CSNK1G1: variants seen among roughly 807,000 people sequenced by gnomAD.
The protein encoded by CSNK1G1 is casein kinase 1 gamma 1, also known as casein kinase I isoform gamma-1.
A neutral mutation model predicts 59.6 loss-of-function variants in CSNK1G1; 22 were observed. The ratio of observed to expected loss-of-function variants is 0.37; its 90% CI spans 0.26 to 0.53. CSNK1G1 has a LOEUF of 0.53. CSNK1G1 is among the 20% of genes least tolerant of loss of function. CSNK1G1 has a pLI of 0.89. For missense variants in CSNK1G1, 384 were observed against 519.5 expected (o/e 0.74, Z 2.54); for synonymous variants, 179 against 177.1 (o/e 1.01, Z -0.08).
intron 1 of CSNK1G1, among the ~76,000 whole-genome samples, chr15:64,320,601 C>G (rs1453943311): frequency 6.6e-6 from 1 of 150,872 alleles, no homozygotes; most frequent in Non-Finnish European, 1.5e-5. Flanking sequence ...ATCGCTTGAG[C>G]CCAGGAAGTG....
intron 1 of CSNK1G1, among the ~76,000 whole-genome samples, chr15:64,320,609 G>A (rs1191162081): frequency 6.6e-6 from 1 of 150,656 alleles, no homozygotes; most frequent in East Asian, 2.0e-4. Context: ...AGCCCAGGAA[G>A]TGGAGGTTGC....
At chr15:64,229,966 G>A (rs1596129251) in intron 4 of CSNK1G1, among the ~76,000 whole-genome samples, 1 of 115,544 alleles carries the variant, frequency 8.7e-6, no homozygotes. Flanking sequence ...CTGTCGCCCA[G>A]GCTGGAGGGC....
chr15:64,265,220 A>G (rs1467801109), intron 2 of CSNK1G1, among the ~76,000 whole-genome samples: 1 of 152,198 alleles, frequency 6.6e-6, no homozygotes, highest in African/African-American at 2.4e-5. Flanking sequence ...CCAAAAACAA[A>G]CCAGTGGAAA....
intron 1 of CSNK1G1, among the ~76,000 whole-genome samples, chr15:64,340,717 G>C (rs1897640006): frequency 2.6e-5 from 4 of 152,260 alleles, no homozygotes; most frequent in Admixed American, 6.5e-5. Context: ...ACTTTGGGGG[G>C]CCGAGGCCAG....
In CSNK1G1 at chr15:64,168,759, T is replaced by A. The variant is rs1191359645; in HGVS notation, c.*3172A>T. ...CAGCTAAGGAACTGTAGCAGTAGGG[T>A]TGAGGAGGGAGCCCTGATTCGCTGA... On this transcript the variant is annotated 3_prime_UTR_variant, in exon 12 of 12. Coordinates refer to ENST00000303052, the MANE Select transcript of CSNK1G1 (RefSeq NM_022048.5). 3 of 151,926 alleles carry A rather than the reference T, an allele frequency of 2.0e-5. No individual in the cohort carries two copies. Among genetic ancestry groups the A allele is most frequent in the African/African-American group, 4.8e-5 (2 of 41,338 alleles). 9.4% of individuals were successfully genotyped at this position (151,926 alleles called of 1,614,324 possible).
intron 1 of CSNK1G1, among the ~76,000 whole-genome samples, chr15:64,349,124 C>A (rs1047636906): frequency 7.1e-6 from 1 of 140,264 alleles, no homozygotes; most frequent in Non-Finnish European, 1.5e-5. Context: ...GCAACGAGAG[C>A]GAAACTCCAC....
chr15:64,269,038 C>A (rs1304693930), intron 2 of CSNK1G1, among the ~76,000 whole-genome samples: 1 of 152,010 alleles, frequency 6.6e-6, no homozygotes, highest in Admixed American at 6.6e-5. Context: ...TACCCACTAC[C>A]ATTGTGCTGC....
intron 4 of CSNK1G1, among the ~76,000 whole-genome samples, chr15:64,223,853 C>T (rs1174347689): frequency 6.6e-6 from 1 of 152,142 alleles, no homozygotes; most frequent in Non-Finnish European, 1.5e-5. Flanking sequence ...GAATGTAGAA[C>T]ACTAGAGCTA....
chr15:64,246,881 G>C (rs776114016), intron 4 of CSNK1G1, among the ~76,000 whole-genome samples: 23 of 152,006 alleles, frequency 1.5e-4, no homozygotes, highest in Non-Finnish European at 2.6e-4. Context: ...CATTTGCTCT[G>C]GTCCTTGCTG....
intron 6 of CSNK1G1, among the ~76,000 whole-genome samples, chr15:64,208,562 C>CT (rs1386329349): frequency 1.6e-4 from 24 of 152,130 alleles, no homozygotes; most frequent in African/African-American, 5.1e-4. Context: ...AGACAGAGTC[C>CT]TTGCTCTGTT....
chr15:64,249,495 T>C (rs908462991), intron 4 of CSNK1G1, among the ~76,000 whole-genome samples: 1 of 152,176 alleles, frequency 6.6e-6, no homozygotes, highest in Non-Finnish European at 1.5e-5. Flanking sequence ...ATATAGGACC[T>C]AGAAGGCTTT....
At chr15:64,300,024 A>G (rs1486713215) in intron 2 of CSNK1G1, among the ~76,000 whole-genome samples, 1 of 152,142 alleles carries the variant, frequency 6.6e-6, no homozygotes, top group African/African-American at 2.4e-5. Flanking sequence ...CACCTCAGAC[A>G]TCCTAAATCA....
intron 10 of CSNK1G1, among the ~76,000 whole-genome samples, chr15:64,190,480 T>C (rs1470249173): frequency 6.6e-6 from 1 of 152,126 alleles, no homozygotes; most frequent in Admixed American, 6.5e-5. Context: ...AATGGCGCGA[T>C]CTCCGCTCAC....
intron 10 of CSNK1G1, among the ~76,000 whole-genome samples, chr15:64,190,639 C>T (rs1396064036): frequency 6.6e-6 from 1 of 152,130 alleles, no homozygotes; most frequent in African/African-American, 2.4e-5. Context: ...GTCTTGAACT[C>T]CCGACCTCAG....
intron 1 of CSNK1G1, among the ~76,000 whole-genome samples, chr15:64,327,388 T>G (rs1332109389): frequency 6.6e-6 from 1 of 151,130 alleles, no homozygotes; most frequent in Non-Finnish European, 1.5e-5. Context: ...GCAGCCTAAC[T>G]GGGAGGCACT....
chr15:64,203,165 C>T lies in CSNK1G1; in HGVS notation c.1024G>A (p.Val342Ile), dbSNP rs376835504. The change falls in exon 10 of 12, where the codon GTA becomes ATA. Residue 342 changes from valine (V) to isoleucine (I), a missense_variant. Val to Ile is a conservative substitution (Grantham distance 29, BLOSUM62 3). Coordinates refer to ENST00000303052, the MANE Select transcript of CSNK1G1 (RefSeq NM_022048.5). ...PIPTPVGSVH[V>I]DSGASAITRE... is the part of the protein sequence containing the mutation. ...GTTATTGCAGATGCACCAGAATCTA[C>T]GTGAACTGACCCTACTGGAGTAGGC... 25 of 1,613,788 alleles carry T rather than the reference C, an allele frequency of 1.5e-5. No individual in the cohort carries two copies. The highest frequency in any genetic ancestry group is 2.0e-5 in the Non-Finnish European group (24 of 1,179,870).
At chr15:64,227,645 T>G (rs1487901485) in intron 4 of CSNK1G1, among the ~76,000 whole-genome samples, 4 of 152,228 alleles carry the variant, frequency 2.6e-5, no homozygotes, top group African/African-American at 9.6e-5. Flanking sequence ...CCCATTTAAC[T>G]TGGAAATACA....
Position 64,214,268 on chromosome 15 carries a change from T to C in CSNK1G1, c.445-144A>G, listed in dbSNP as rs930672138. On this transcript the variant is annotated intron_variant, in intron 5 of 11. Coordinates refer to ENST00000303052, the MANE Select transcript of CSNK1G1 (RefSeq NM_022048.5). The surrounding 1 kb of genome is among the most constrained non-coding windows in gnomAD (Gnocchi z 4.3). Reference sequence around the variant, plus strand: ...CTTTCACCGCCCTGAGTCACTTCACTGACTTGTAAACAAAAAAATATTTTG... The same window carrying C: ...CTTTCACCGCCCTGAGTCACTTCACCGACTTGTAAACAAAAAAATATTTTG... 4 of 644,198 alleles carry C rather than the reference T, an allele frequency of 6.2e-6. No homozygotes were observed. In the African/African-American group the frequency reaches 7.3e-5, roughly 12 times the overall value. The allele number at this position is 644,198 out of a possible 1,614,324, so 39.9% of individuals were successfully genotyped here. A position where few individuals can be genotyped will look rare whatever the true frequency, so the allele number is the denominator to read the frequency against.
intron 2 of CSNK1G1, among the ~76,000 whole-genome samples, chr15:64,265,081 G>A (rs1358856110): frequency 6.6e-6 from 1 of 152,146 alleles, no homozygotes; most frequent in Non-Finnish European, 1.5e-5. Context: ...AACTGTTCCT[G>A]TTTGCAGACC....
Sources: gnomAD v4.1 joint callset for allele counts (sites outside exome capture counted in the v4.1 genomes callset) on GRCh38, gnomAD v4.1.1 for gene constraint, Gnocchi (gnomAD v3.1) non-coding constraint, MANE v1.5 for transcripts, NCBI Gene and HGNC (gene_info 2026-07-23, HGNC 2026-07-21) for gene names.